The following KIAA0930 variants were observed in gnomAD, a reference collection of about 807,000 sequenced individuals.
The protein encoded by KIAA0930 is KIAA0930.
A neutral mutation model predicts 43.9 loss-of-function variants in KIAA0930; 24 were observed. The ratio of observed to expected loss-of-function variants is 0.55; its 90% CI spans 0.40 to 0.77. KIAA0930 has a LOEUF of 0.77. KIAA0930 is among the 30% of genes least tolerant of loss of function. The probability of loss-of-function intolerance (pLI) is 0.00; values close to 1 mark genes in which losing one functional copy is unlikely to be tolerated. For missense variants in KIAA0930, 461 were observed against 574.2 expected (o/e 0.80, Z 2.02); for synonymous variants, 259 against 216.4 (o/e 1.20, Z -1.73).
intron 1 of KIAA0930, among the ~76,000 whole-genome samples, chr22:45,231,496 A>C (rs1273008045): frequency 1.3e-5 from 2 of 152,036 alleles, no homozygotes; most frequent in African/African-American, 2.4e-5. Context: ...AGGGGTGGGA[A>C]GCCAGAGGCA....
chr22:45,198,693 AGGCTCGAGTGCAGTGGCACGATCTC>A, intron 8 of KIAA0930, among the ~76,000 whole-genome samples: 1 of 152,044 alleles, frequency 6.6e-6, no homozygotes, highest in East Asian at 1.9e-4. Flanking sequence ...ACTCTTGCCC[AGGCTCGAGTGCAGTGGCACGATCTC>A]GGCTCACCGC....
At chr22:45,221,888 C>T (rs538584181) in intron 1 of KIAA0930, among the ~76,000 whole-genome samples, 1 of 152,318 alleles carries the variant, frequency 6.6e-6, no homozygotes, top group South Asian at 2.1e-4. Context: ...GCATGCGCAA[C>T]CACGCCAGGC....
At chr22:45,208,093 C>A (rs989815902) in intron 2 of KIAA0930, among the ~76,000 whole-genome samples, 1 of 152,166 alleles carries the variant, frequency 6.6e-6, no homozygotes, top group African/African-American at 2.4e-5. Flanking sequence ...CGTGTGCGCA[C>A]CAAAGCCAGG....
At chr22:45,199,531 G>A (rs755248364) in intron 8 of KIAA0930, among the ~76,000 whole-genome samples, 25 of 152,334 alleles carry the variant, frequency 1.6e-4, no homozygotes, top group Non-Finnish European at 2.6e-4. Context: ...CCGTGTGTGC[G>A]GAGCCATCAG....
At chr22:45,230,974 G>T (rs977115756) in intron 1 of KIAA0930, among the ~76,000 whole-genome samples, 4 of 151,910 alleles carry the variant, frequency 2.6e-5, no homozygotes, top group Admixed American at 2.6e-4. Context: ...GGCTGGGCAC[G>T]GTGCCTCAAC....
chr22:45,235,626 T>G (rs1172473465), intron 1 of KIAA0930, among the ~76,000 whole-genome samples: 3 of 152,154 alleles, frequency 2.0e-5, no homozygotes, highest in Non-Finnish European at 2.9e-5. Context: ...TGATTCCACG[T>G]GCAGGCACTG....
intron 6 of KIAA0930, among the ~76,000 whole-genome samples, chr22:45,203,389 T>C (rs1355592436): frequency 6.6e-6 from 1 of 151,946 alleles, no homozygotes; most frequent in Non-Finnish European, 1.5e-5. Context: ...CACCGCCCCA[T>C]GAACCACGGA....
At chr22:45,222,677 T>C (rs5766560) in intron 1 of KIAA0930, among the ~76,000 whole-genome samples, 14,134 of 123,746 alleles carry the variant, frequency 0.11, 736 homozygotes, top group East Asian at 0.23. Flanking sequence ...ACATACACCA[T>C]AAACAAAGCA....
At chr22:45,197,974 G>A in intron 8 of KIAA0930, 26 bp from the exon 9 acceptor site, 1 of 1,612,506 alleles carries the variant, frequency 6.2e-7, no homozygotes, top group Non-Finnish European at 8.5e-7. Context: ...CCAGGTCAAG[G>A]CCCCCACAGC....
intron 1 of KIAA0930, among the ~76,000 whole-genome samples, chr22:45,222,557 C>A (rs1409138261): frequency 6.6e-6 from 1 of 152,054 alleles, no homozygotes; most frequent in African/African-American, 2.4e-5. Flanking sequence ...AATCCGCTTG[C>A]CTTGGCCTCC....
At chr22:45,228,272 T>C (rs78970178) in intron 1 of KIAA0930, among the ~76,000 whole-genome samples, 5,201 of 152,236 alleles carry the variant, frequency 0.034, 119 homozygotes, top group African/African-American at 0.052. Flanking sequence ...CTACCCACAG[T>C]GCTTTTTACA....
chr22:45,195,146 G>C lies in KIAA0930; in HGVS notation c.*2030C>G, dbSNP rs2083524820. 1 of 152,252 alleles carries C rather than the reference G, an allele frequency of 6.6e-6. No individual in the cohort carries two copies. The highest frequency in any genetic ancestry group is 2.4e-5 in the African/African-American group (1 of 41,446). The allele number at this position is 152,252 out of a possible 1,614,324, so 9.4% of individuals were successfully genotyped here. A position where few individuals can be genotyped will look rare whatever the true frequency, so the allele number is the denominator to read the frequency against. ...ACCCTGTGAGGGGGGCAGCATTTTTGCCATCTTACAGACGGGGAGCCCAGC... is the reference window on the plus strand; with the variant it reads ...ACCCTGTGAGGGGGGCAGCATTTTTCCCATCTTACAGACGGGGAGCCCAGC... On this transcript the variant is annotated 3_prime_UTR_variant, in exon 10 of 10. Transcript: ENST00000336156.
rs994129139 is a variant in KIAA0930 at position 45,195,160 on chromosome 22, G to A, written c.*2016C>T. The stretch of plus-strand genomic sequence containing the variant: ...GCAGCATTTTTGCCATCTTACAGAC[G>A]GGGAGCCCAGCTTGCTCTGAGCCAT... On this transcript the variant is annotated 3_prime_UTR_variant, in exon 10 of 10. Transcript: ENST00000336156. 4.6e-5 allele frequency: 7 copies of A among 152,352 alleles called. No individual in the cohort carries two copies. The highest frequency in any genetic ancestry group is 2.1e-4 in the South Asian group (1 of 4,824). The allele number at this position is 152,352 out of a possible 1,614,324, so 9.4% of individuals were successfully genotyped here. A position where few individuals can be genotyped will look rare whatever the true frequency, so the allele number is the denominator to read the frequency against.
chr22:45,197,695 C>T lies in KIAA0930; in HGVS notation c.1174+95G>A, dbSNP rs143658926. ...AACCCAACCAACCGACAGGACAGGG[C>T]GGGATGACTCCGGGTGGCTCACAAG... is the stretch of plus-strand genomic sequence containing the variant. On this transcript the variant is annotated intron_variant, in intron 9 of 9. Transcript: ENST00000336156. 1.8e-3 allele frequency: 2,349 copies of T among 1,341,444 alleles called. 27 individuals are homozygous for T. The African/African-American group carries it at 0.029, about 17-fold the overall frequency. The allele number at this position is 1,341,444 out of a possible 1,614,324, so 83.1% of individuals were successfully genotyped here.
chr22:45,229,529 A>AG (rs961714463), intron 1 of KIAA0930, among the ~76,000 whole-genome samples: 1 of 152,126 alleles, frequency 6.6e-6, no homozygotes, highest in Non-Finnish European at 1.5e-5. Context: ...GTCACAGCAC[A>AG]GGGGCAGGAA....
intron 8 of KIAA0930, among the ~76,000 whole-genome samples, chr22:45,198,496 C>T (rs1245950688): frequency 6.6e-6 from 1 of 152,226 alleles, no homozygotes. Flanking sequence ...TGCTGGAGTC[C>T]CTGACCCAGG....
intron 1 of KIAA0930, among the ~76,000 whole-genome samples, chr22:45,215,841 C>T (rs866876833): frequency 7.2e-5 from 11 of 152,234 alleles, no homozygotes; most frequent in South Asian, 2.1e-4. Context: ...TACTTTCTCC[C>T]ATGAATGTAC....
intron 1 of KIAA0930, among the ~76,000 whole-genome samples, chr22:45,234,259 G>A (rs2083872493): frequency 6.6e-6 from 1 of 152,170 alleles, no homozygotes; most frequent in African/African-American, 2.4e-5. Flanking sequence ...TGTGCTCAGG[G>A]CTCAGCTCCC....
In KIAA0930 at chr22:45,240,739, C is replaced by T. The variant is rs1203506629; in HGVS notation, c.-36G>A. On this transcript the variant is annotated 5_prime_UTR_variant, in exon 1 of 10. Transcript: ENST00000336156. ...GAGCGCTCCTCGGCCTCGGCGCCGC[C>T]CGCAGGCTCGGGGGCGGCGGCGGCG... is the stretch of plus-strand genomic sequence containing the variant. The T allele has an allele frequency of 2.0e-6, 2 of 984,838 alleles. No individual in the cohort carries two copies. The highest frequency in any genetic ancestry group is 2.4e-6 in the Non-Finnish European group (2 of 849,790). 61.0% of individuals were successfully genotyped at this position (984,838 alleles called of 1,614,324 possible).
Sources: allele counts gnomAD v4.1 joint callset (sites outside exome capture counted in the v4.1 genomes callset), GRCh38; gene constraint gnomAD v4.1.1; transcripts MANE v1.5; gene names NCBI Gene and HGNC (gene_info 2026-07-23, HGNC 2026-07-21).